The following ADGRV1 variants were observed in gnomAD, a reference collection of about 807,000 sequenced individuals.
ADGRV1 encodes the protein G-protein coupled receptor 98.
In ADGRV1, 359 loss-of-function variants were observed where a neutral mutation model predicts 596.2. That is an observed-to-expected ratio of 0.60 (90% confidence interval 0.55 to 0.66). ADGRV1 has a LOEUF of 0.66. ADGRV1 is among the 30% of genes least tolerant of loss of function. The pLI, the probability that ADGRV1 is intolerant of heterozygous loss-of-function variation, is 0.00. For synonymous variants in ADGRV1, 2,681 were observed against 2,679.2 expected (o/e 1.00, Z -0.02); for missense variants, 7,274 against 7,575.6 (o/e 0.96, Z 1.48).
At chr5:91,002,537 T>G (rs1008583576) in intron 85 of ADGRV1, among the ~76,000 whole-genome samples, 2 of 152,148 alleles carry the variant, frequency 1.3e-5, no homozygotes, top group Admixed American at 6.6e-5. Flanking sequence ...TTATTTTGCT[T>G]CTTTTCCTTT....
intron 86 of ADGRV1, among the ~76,000 whole-genome samples, chr5:91,086,239 TA>T (rs1270842083): frequency 6.6e-6 from 1 of 152,236 alleles, no homozygotes; most frequent in Non-Finnish European, 1.5e-5. Flanking sequence ...AACTTGAGCC[TA>T]ACTTCTCTCT....
chr5:91,021,512 C>T (rs569406078), intron 85 of ADGRV1, among the ~76,000 whole-genome samples: 9 of 152,162 alleles, frequency 5.9e-5, no homozygotes, highest in East Asian at 1.9e-4. Context: ...AATTTCTGTG[C>T]CCATAAAAGA....
chr5:91,067,171 T>C (rs898166420), intron 85 of ADGRV1, among the ~76,000 whole-genome samples: 2 of 131,198 alleles, frequency 1.5e-5, no homozygotes, highest in African/African-American at 2.9e-5. Flanking sequence ...TGAGACGGAG[T>C]CTCGCTCTTG....
At chr5:91,132,056 T>C (rs1794263144) in intron 87 of ADGRV1, among the ~76,000 whole-genome samples, 1 of 152,190 alleles carries the variant, frequency 6.6e-6, no homozygotes, top group East Asian at 1.9e-4. Context: ...ATAGATATGC[T>C]TCCCCATTGT....
chr5:90,628,817 G>A lies in ADGRV1; in HGVS notation c.1494G>A (p.Val498=), dbSNP rs748425922. 4 of 1,613,876 alleles carry A rather than the reference G, an allele frequency of 2.5e-6. No individual in the cohort carries two copies. In the South Asian group the frequency reaches 3.3e-5, roughly 13 times the overall value. Residue 498 remains valine, a synonymous_variant, in exon 8 of 90, where the codon GTG becomes GTA. Coordinates refer to ENST00000405460, the MANE Select transcript of ADGRV1 (RefSeq NM_032119.4). The part of the protein sequence containing the change: ...LPHTIRGGAE[V]SEPAELLFYI... ...ATACAATACGAGGAGGTGCAGAAGT[G>A]AGCGAGCCAGCGGAGGTATAACCCT...
chr5:90,617,040 T>G (rs889886558), intron 2 of ADGRV1: 9 of 152,200 alleles, frequency 5.9e-5, no homozygotes, highest in African/African-American at 2.2e-4. Context: ...AATGACTTCC[T>G]GTTACATCCA....
chr5:90,793,520 T>G (rs1246967601), intron 70 of ADGRV1, among the ~76,000 whole-genome samples: 2 of 152,330 alleles, frequency 1.3e-5, no homozygotes, highest in African/African-American at 4.8e-5. Context: ...AAAATTGCTC[T>G]CAGGCATAAG....
chr5:90,731,861 G>A (rs1340458423), intron 50 of ADGRV1, among the ~76,000 whole-genome samples: 1 of 152,176 alleles, frequency 6.6e-6, no homozygotes, highest in Non-Finnish European at 1.5e-5. Context: ...TACTCATTAT[G>A]TGTAAATACA....
chr5:90,881,877 T>C (rs1769815647), intron 83 of ADGRV1, among the ~76,000 whole-genome samples: 1 of 152,050 alleles, frequency 6.6e-6, no homozygotes, highest in African/African-American at 2.4e-5. Context: ...TAGGCTCAAC[T>C]TTTTTCTTTT....
chr5:90,770,855 T>C (rs537947414), intron 59 of ADGRV1, among the ~76,000 whole-genome samples: 2 of 152,304 alleles, frequency 1.3e-5, no homozygotes, highest in African/African-American at 4.8e-5. Flanking sequence ...AAAATTTTTA[T>C]GCGTATCCAA....
chr5:91,047,669 AAT>A (rs1398281808), intron 85 of ADGRV1, among the ~76,000 whole-genome samples: 6 of 152,300 alleles, frequency 3.9e-5, no homozygotes, highest in Middle Eastern at 3.4e-3. Flanking sequence ...AGACACACCC[AAT>A]AACAATACTT....
intron 83 of ADGRV1, among the ~76,000 whole-genome samples, chr5:90,891,580 C>T (rs1169928812): frequency 6.6e-6 from 1 of 151,830 alleles, no homozygotes; most frequent in East Asian, 1.9e-4. Flanking sequence ...ATAATCATCT[C>T]ATCAATTATG....
intron 70 of ADGRV1, among the ~76,000 whole-genome samples, chr5:90,797,301 A>G (rs923424109): frequency 6.0e-5 from 9 of 149,636 alleles, no homozygotes; most frequent in Non-Finnish European, 3.0e-5. Flanking sequence ...AAAAAAAAAA[A>G]AAAAAAAAAA....
intron 84 of ADGRV1, among the ~76,000 whole-genome samples, chr5:90,969,261 A>G (rs1389179480): frequency 6.6e-6 from 1 of 152,252 alleles, no homozygotes; most frequent in Non-Finnish European, 1.5e-5. Context: ...TACTCTGTAC[A>G]TATTTACCCA....
At chr5:90,666,396 G>T (rs1408967500) in intron 21 of ADGRV1, among the ~76,000 whole-genome samples, 1 of 151,982 alleles carries the variant, frequency 6.6e-6, no homozygotes, top group Non-Finnish European at 1.5e-5. Flanking sequence ...TTTGATCTTT[G>T]TTGGTTTAAA....
chr5:90,726,172 C>T (rs994045955), intron 48 of ADGRV1, among the ~76,000 whole-genome samples: 4 of 152,214 alleles, frequency 2.6e-5, no homozygotes, highest in African/African-American at 9.6e-5. Context: ...TTTCCCAACA[C>T]CAAATTCAAA....
chr5:90,976,334 A>G (rs1410677340), intron 84 of ADGRV1, among the ~76,000 whole-genome samples: 16 of 145,238 alleles, frequency 1.1e-4, no homozygotes, highest in Non-Finnish European at 2.4e-4. Flanking sequence ...ATATATATAT[A>G]TATATATATA....
intron 83 of ADGRV1, among the ~76,000 whole-genome samples, chr5:90,930,400 A>G (rs1775126574): frequency 6.6e-6 from 1 of 152,234 alleles, no homozygotes; most frequent in Non-Finnish European, 1.5e-5. Context: ...TATAGACTTA[A>G]TTGGCCAAGA....
chr5:90,847,852 C>T (rs957447892), intron 78 of ADGRV1, among the ~76,000 whole-genome samples: 2 of 152,170 alleles, frequency 1.3e-5, no homozygotes, highest in African/African-American at 4.8e-5. Flanking sequence ...TCCACACCTC[C>T]CTGCAAGCTG....
Sources: allele counts gnomAD v4.1 joint callset (sites outside exome capture counted in the v4.1 genomes callset), GRCh38; gene constraint gnomAD v4.1.1; transcripts MANE v1.5; gene names NCBI Gene and HGNC (gene_info 2026-07-23, HGNC 2026-07-21).